The following MYO3B variants were observed in gnomAD, a reference collection of about 807,000 sequenced individuals.
MYO3B encodes myosin IIIB.
In MYO3B, 156 loss-of-function variants were observed where a neutral mutation model predicts 174.6. That is an observed-to-expected ratio of 0.89 (90% CI 0.78 to 1.02). MYO3B has a LOEUF of 1.02. Among genes scored for constraint, MYO3B ranks in the 50% least tolerant of loss-of-function variants. The pLI, the probability that MYO3B is intolerant of heterozygous loss-of-function variation, is 0.00. For missense variants in MYO3B, 1,632 were observed against 1,639.4 expected (o/e 1.00, Z 0.08); for synonymous variants, 563 against 569.1 (o/e 0.99, Z 0.15).
intron 6 of MYO3B, among the ~76,000 whole-genome samples, chr2:170,233,791 C>T (rs1049649179): frequency 5.3e-5 from 8 of 152,202 alleles, no homozygotes; most frequent in Admixed American, 1.3e-4. Flanking sequence ...CCAGGCCTTA[C>T]AGGTCCAATG....
At chr2:170,525,352 T>A (rs1035982237) in intron 30 of MYO3B, among the ~76,000 whole-genome samples, 5 of 152,250 alleles carry the variant, frequency 3.3e-5, no homozygotes, top group Non-Finnish European at 7.3e-5. Context: ...TGGGGCTTTG[T>A]TCCCATGATG....
At chr2:170,500,476 C>T (rs1013869959) in intron 27 of MYO3B, among the ~76,000 whole-genome samples, 2 of 152,166 alleles carry the variant, frequency 1.3e-5, no homozygotes, top group African/African-American at 4.8e-5. Context: ...AGGAGTTTGC[C>T]TTTAATAGAT....
At chr2:170,476,568 C>T (rs1032213640) in intron 25 of MYO3B, among the ~76,000 whole-genome samples, 4 of 152,116 alleles carry the variant, frequency 2.6e-5, no homozygotes, top group African/African-American at 9.7e-5. Flanking sequence ...TCCTCTCCAA[C>T]TGCCCCTAGC....
At chr2:170,390,767 T>A (rs554721281) in intron 14 of MYO3B, among the ~76,000 whole-genome samples, 2 of 152,102 alleles carry the variant, frequency 1.3e-5, no homozygotes, top group Admixed American at 1.3e-4. Flanking sequence ...GACCACTTTT[T>A]AAAAAAAATC....
chr2:170,568,891 T>A (rs11687299), intron 32 of MYO3B, among the ~76,000 whole-genome samples: 42,652 of 151,936 alleles, frequency 0.28, 6,164 homozygotes, highest in African/African-American at 0.33. Context: ...TGTTGGACAG[T>A]CTTCTTAAAA....
intron 32 of MYO3B, among the ~76,000 whole-genome samples, chr2:170,595,081 G>A (rs927609525): frequency 2.0e-5 from 3 of 151,994 alleles, no homozygotes; most frequent in Non-Finnish European, 4.4e-5. Context: ...CTCTGACATC[G>A]AGCCATGGGA....
intron 6 of MYO3B, among the ~76,000 whole-genome samples, chr2:170,219,842 G>A (rs903687859): frequency 6.6e-6 from 1 of 152,116 alleles, no homozygotes; most frequent in Non-Finnish European, 1.5e-5. Context: ...GATATAACAC[G>A]GAAGATGGTA....
intron 9 of MYO3B, among the ~76,000 whole-genome samples, chr2:170,381,139 A>T (rs2094332014): frequency 6.6e-6 from 1 of 152,034 alleles, no homozygotes; most frequent in Non-Finnish European, 1.5e-5. Context: ...CTAAATAAAT[A>T]AATAAAATTT....
chr2:170,383,673 T>C, intron 11 of MYO3B, 37 bp from the exon 12 acceptor site: 1 of 1,505,966 alleles, frequency 6.6e-7, no homozygotes, highest in Non-Finnish European at 9.2e-7. Context: ...TATTAGATGG[T>C]CCAGGGGAGA....
chr2:170,203,623 A>T (rs2092687189), intron 3 of MYO3B, among the ~76,000 whole-genome samples: 1 of 152,160 alleles, frequency 6.6e-6, no homozygotes, highest in Non-Finnish European at 1.5e-5. Context: ...CCTGAATATC[A>T]CTGGAAGTGT....
At chr2:170,563,062 A>ACACACT (rs1173953248) in intron 32 of MYO3B, among the ~76,000 whole-genome samples, 1 of 144,990 alleles carries the variant, frequency 6.9e-6, no homozygotes, top group Non-Finnish European at 1.5e-5. Context: ...ACACACACAC[A>ACACACT]CTCTAGACAC....
intron 7 of MYO3B, among the ~76,000 whole-genome samples, chr2:170,237,860 G>A (rs180758759): frequency 1.3e-5 from 2 of 152,280 alleles, no homozygotes; most frequent in African/African-American, 4.8e-5. Flanking sequence ...TGCAAATGAT[G>A]AATCAGATTG....
rs879899267 is a variant in MYO3B, at chr2:170,551,355, T to A, written c.3733+7367T>A. On this transcript the variant is annotated intron_variant, in intron 32 of 34. Transcript: ENST00000408978. ...TTTAATTTAATTTAATTTAATTATT[T>A]ATTTATTTATTTATTTATTTATTTA... Among the ~76,000 whole-genome samples, 611 of 137,980 alleles carry A rather than the reference T, an allele frequency of 4.4e-3. 6 individuals carry two copies. Among genetic ancestry groups the A allele is most frequent in the Middle Eastern group, 0.014 (4 of 276 alleles). The allele number at this position is 137,980 out of a possible 152,430, so 90.5% of individuals were successfully genotyped here.
intron 32 of MYO3B, among the ~76,000 whole-genome samples, chr2:170,622,405 T>C (rs961694022): frequency 6.6e-6 from 1 of 152,182 alleles, no homozygotes; most frequent in African/African-American, 2.4e-5. Flanking sequence ...TATAAAGTGA[T>C]ACATGCTTGC....
chr2:170,503,152 G>A (rs1358776926), intron 28 of MYO3B, among the ~76,000 whole-genome samples: 2 of 152,152 alleles, frequency 1.3e-5, no homozygotes, highest in Non-Finnish European at 2.9e-5. Context: ...TTGGTACAAA[G>A]GCCAACATGT....
intron 22 of MYO3B, among the ~76,000 whole-genome samples, chr2:170,422,661 G>C (rs2094625678): frequency 6.6e-6 from 1 of 152,018 alleles, no homozygotes. Flanking sequence ...GTTTCACCAT[G>C]TTGGCCAGGC....
At chr2:170,430,026 T>TC (rs5836278) in intron 22 of MYO3B, among the ~76,000 whole-genome samples, 2 of 140,652 alleles carry the variant, frequency 1.4e-5, no homozygotes, top group African/African-American at 5.1e-5. Context: ...TTTTTTTTTT[T>TC]CAAACAAATG....
chr2:170,295,026 A>G (rs2093620551), intron 7 of MYO3B, among the ~76,000 whole-genome samples: 1 of 152,126 alleles, frequency 6.6e-6, no homozygotes, highest in Non-Finnish European at 1.5e-5. Context: ...TTCAATTTTT[A>G]AAAGTACAGA....
intron 22 of MYO3B, among the ~76,000 whole-genome samples, chr2:170,439,519 T>TCA (rs2094783630): frequency 6.6e-6 from 1 of 152,212 alleles, no homozygotes; most frequent in Admixed American, 6.5e-5. Context: ...ATCTCTACAA[T>TCA]TCGTTGATTG....
Sources: gnomAD v4.1 joint callset for allele counts (sites outside exome capture counted in the v4.1 genomes callset) on GRCh38, gnomAD v4.1.1 for gene constraint, MANE v1.5 for transcripts, NCBI Gene and HGNC (gene_info 2026-07-23, HGNC 2026-07-21) for gene names.